The following POU2F3 variants were observed in gnomAD, a reference collection of about 807,000 sequenced individuals.
POU2F3 encodes the protein POU domain, class 2, transcription factor 3.
POU2F3 carries 23 observed loss-of-function variants against 59.2 expected under a neutral mutation model. The observed-to-expected ratio is 0.39, with a 90% CI of 0.28 to 0.55. The LOEUF is 0.55. Among genes scored for constraint, POU2F3 ranks in the 20% least tolerant of loss-of-function variants. The pLI is 0.66. For synonymous variants in POU2F3, 190 were observed against 214.6 expected (o/e 0.89, Z 1.00); for missense variants, 473 against 544.5 (o/e 0.87, Z 1.31).
intron 11 of POU2F3, among the ~76,000 whole-genome samples, chr11:120,316,761 C>A (rs1414179952): frequency 6.6e-6 from 1 of 152,206 alleles, no homozygotes; most frequent in Non-Finnish European, 1.5e-5. Flanking sequence ...AACCAAGCAC[C>A]TTTTCTTTGT....
At chr11:120,257,514 T>C (rs114667713) in intron 2 of POU2F3, among the ~76,000 whole-genome samples, 6,872 of 152,056 alleles carry the variant, frequency 0.045, 191 homozygotes, top group African/African-American at 0.074. Flanking sequence ...CGGCTCTAGC[T>C]TCTCACTGGC....
At chr11:120,311,793 G>A (rs1050158248) in intron 10 of POU2F3, among the ~76,000 whole-genome samples, 1 of 152,148 alleles carries the variant, frequency 6.6e-6, no homozygotes, top group African/African-American at 2.4e-5. Flanking sequence ...GGAGGAACTC[G>A]CCTATGGAGT....
intron 3 of POU2F3, among the ~76,000 whole-genome samples, chr11:120,278,168 A>G (rs1304275967): frequency 6.6e-6 from 1 of 152,230 alleles, no homozygotes; most frequent in East Asian, 1.9e-4. Context: ...TTGGGCTTAT[A>G]TGATTATAGT....
At chr11:120,305,238 A>C in intron 7 of POU2F3, 26 bp downstream of exon 7, 1 of 1,606,740 alleles carries the variant, frequency 6.2e-7, no homozygotes, top group Non-Finnish European at 8.5e-7. Context: ...AAAAGATAGA[A>C]GAAGTCTAGC....
chr11:120,286,028 G>A (rs1363570418), intron 3 of POU2F3, among the ~76,000 whole-genome samples: 4 of 151,848 alleles, frequency 2.6e-5, no homozygotes, highest in Non-Finnish European at 4.4e-5. Flanking sequence ...GATCACAGGC[G>A]CCCACCACCA....
At chr11:120,244,925 TGCCTC>T (rs879717269) in intron 1 of POU2F3, among the ~76,000 whole-genome samples, 48 of 147,944 alleles carry the variant, frequency 3.2e-4, no homozygotes, top group Non-Finnish European at 6.3e-4. Flanking sequence ...GCTCAAGAAA[TGCCTC>T]CCTAAACGCT....
At chr11:120,264,297 T>C (rs772859199) in intron 2 of POU2F3, among the ~76,000 whole-genome samples, 6 of 151,592 alleles carry the variant, frequency 4.0e-5, no homozygotes, top group Non-Finnish European at 8.8e-5. Context: ...GGTAGGAGGA[T>C]TGCTTGAGCC....
chr11:120,256,880 G>A (rs1030849827), intron 2 of POU2F3: 1 of 152,216 alleles, frequency 6.6e-6, no homozygotes, highest in Non-Finnish European at 1.5e-5. Flanking sequence ...ACATGGTGTA[G>A]TATGGACAGC....
intron 10 of POU2F3, among the ~76,000 whole-genome samples, chr11:120,312,572 T>C (rs894123700): frequency 3.3e-5 from 5 of 152,194 alleles, no homozygotes; most frequent in African/African-American, 1.2e-4. Flanking sequence ...CCCTAAACTC[T>C]CTAAGGGATC....
At chr11:120,251,045 G>A (rs1047202945) in intron 2 of POU2F3, among the ~76,000 whole-genome samples, 5 of 151,804 alleles carry the variant, frequency 3.3e-5, no homozygotes, top group East Asian at 3.9e-4. Context: ...ATAGCTCCCC[G>A]CAACCTTGAA....
At chr11:120,310,479 T>A (rs1386607012) in intron 10 of POU2F3, among the ~76,000 whole-genome samples, 1 of 152,144 alleles carries the variant, frequency 6.6e-6, no homozygotes, top group African/African-American at 2.4e-5. Context: ...GTTATATCTG[T>A]GACTCTGGAG....
rs542898423 is a variant in POU2F3, at chr11:120,276,229, T to C, written c.132+6985T>C. 9.9e-5 allele frequency among the ~76,000 whole-genome samples: 15 copies of C among 152,242 alleles called. 1 individual carries two copies. The South Asian group carries it at 2.9e-3, about 29-fold the overall frequency. On this transcript the variant is annotated intron_variant, in intron 3 of 12. Transcript: ENST00000543440. ...GGAATGAATAGGCCATGTTGGATTG[T>C]TTAGTTCCACAAACCTGCACTTAGC...
Position 120,255,974 on chromosome 11 carries a change from A to C in POU2F3, c.97+9457A>C, listed in dbSNP as rs75072997. ...GCGGAGGAGGTGTGAGGACAGATGG[A>C]TTCTGGACTCATCTTTATCACAAAC... On this transcript the variant is annotated intron_variant, in intron 2 of 12. Transcript: ENST00000543440. 4,498 of 152,194 alleles carry C rather than the reference A, an allele frequency of 0.03. 900 individuals carry two copies. The East Asian group carries it at 0.56, about 19-fold the overall frequency. The allele number at this position is 152,194 out of a possible 1,614,324, so 9.4% of individuals were successfully genotyped here. A position where few individuals can be genotyped will look rare whatever the true frequency, so the allele number is the denominator to read the frequency against.
intron 8 of POU2F3, among the ~76,000 whole-genome samples, chr11:120,306,450 G>T (rs1192179338): frequency 6.6e-6 from 1 of 152,146 alleles, no homozygotes; most frequent in Non-Finnish European, 1.5e-5. Flanking sequence ...CCTGGGCCAG[G>T]TCATTCTTGT....
intron 10 of POU2F3, among the ~76,000 whole-genome samples, chr11:120,312,987 G>T (rs1448965954): frequency 5.3e-5 from 8 of 152,118 alleles, no homozygotes; most frequent in Admixed American, 5.2e-4. Flanking sequence ...GTGGGGTGGG[G>T]TAGGAGGAAA....
chr11:120,259,983 G>A (rs1376119869), intron 2 of POU2F3, among the ~76,000 whole-genome samples: 5 of 152,214 alleles, frequency 3.3e-5, no homozygotes, highest in African/African-American at 4.8e-5. Context: ...GCTGAGGAGC[G>A]CTTCCAAGGT....
At chr11:120,243,878 C>T (rs1938770008) in intron 1 of POU2F3, among the ~76,000 whole-genome samples, 1 of 152,096 alleles carries the variant, frequency 6.6e-6, no homozygotes, top group Admixed American at 6.6e-5. Context: ...GAGTAGACAA[C>T]ATGGCAGATG....
chr11:120,269,742 C>T (rs1226445613), intron 3 of POU2F3, among the ~76,000 whole-genome samples: 1 of 152,168 alleles, frequency 6.6e-6, no homozygotes, highest in Non-Finnish European at 1.5e-5. Context: ...GCAATGTAGA[C>T]ATGCGCCTGG....
Position 120,305,488 on chromosome 11 carries a change from A to G in POU2F3, c.628-156A>G, listed in dbSNP as rs887334539. The G allele has an allele frequency of 2.6e-5, 31 of 1,200,682 alleles. No individual in the cohort carries two copies. The African/African-American group carries it at 4.6e-4, about 18-fold the overall frequency. 74.4% of individuals were successfully genotyped at this position (1,200,682 alleles called of 1,614,324 possible). ...AAGGAGAGAAAGAAACCGATTCTTC[A>G]CCTTAGAGGGAGGAGACTTGGAAAG... On this transcript the variant is annotated intron_variant, in intron 7 of 12. Coordinates refer to ENST00000543440, the MANE Select transcript of POU2F3 (RefSeq NM_014352.4).
Sources: allele counts gnomAD v4.1 joint callset (sites outside exome capture counted in the v4.1 genomes callset), GRCh38; gene constraint gnomAD v4.1.1; transcripts MANE v1.5; gene names NCBI Gene and HGNC (gene_info 2026-07-23, HGNC 2026-07-21).